Variants in SH3TC2 observed in about 807,000 individuals in gnomAD.
SH3TC2 encodes SH3 domain and tetratricopeptide repeats 2.
Under a neutral mutation model 124.5 loss-of-function variants are expected in SH3TC2, and 87 were observed. The observed-to-expected ratio is 0.70, with a 90% CI of 0.59 to 0.84. The LOEUF (loss-of-function observed/expected upper bound fraction) is 0.84, where lower values mean the gene tolerates loss of function less well. SH3TC2 is among the 40% of genes least tolerant of loss of function. SH3TC2 has a pLI of 0.00. For missense variants in SH3TC2, 1,536 were observed against 1,566.4 expected (o/e 0.98, Z 0.33); for synonymous variants, 634 against 628.5 (o/e 1.01, Z -0.13).
At position 149,056,677 on chromosome 5, in the gene SH3TC2, GC is replaced by G. The variant is rs1754654127; in HGVS notation, c.53-4438del. Among the ~76,000 whole-genome samples the G allele has an allele frequency of 2.6e-5, 4 of 152,246 alleles. No individual in the cohort carries two copies. In the South Asian group the frequency reaches 8.3e-4, roughly 32 times the overall value. On this transcript the variant is annotated intron_variant, in intron 1 of 16. Coordinates refer to ENST00000515425, the MANE Select transcript of SH3TC2 (RefSeq NM_024577.4). ...TCACCAGAGGCCTCGGATCCCATGA[GC>G]CAGAAGGGCACCTCTCTGAGAAACA...
chr5:149,048,101 T>A (rs1217417853), intron 2 of SH3TC2, 112 bp from the exon 3 acceptor site: 1 of 1,421,908 alleles, frequency 7.0e-7, no homozygotes, highest in Non-Finnish European at 9.9e-7. Flanking sequence ...TCAACTGGTG[T>A]CCTCATTAGT....
chr5:149,042,741 TCTACAGACA>T lies in SH3TC2; in HGVS notation c.473_481del (p.Val158_Val160del), dbSNP rs1554122850. ...GTATATTGTTTCCAGGTGTTTATCA[TCTACAGACA>T]CTTGGATCTCTGTATCCTCCACCAA... On this transcript the variant is annotated inframe_deletion, in exon 5 of 17. Coordinates refer to ENST00000515425, the MANE Select transcript of SH3TC2 (RefSeq NM_024577.4). 6.2e-7 allele frequency: 1 copy of T among 1,614,210 alleles called. No homozygotes were observed. Among genetic ancestry groups the T allele is most frequent in the African/African-American group, 1.3e-5 (1 of 75,062 alleles).
intron 3 of SH3TC2, chr5:149,045,109 C>T (rs1754436026): frequency 6.3e-6 from 1 of 158,176 alleles, no homozygotes; most frequent in South Asian, 1.8e-4. Flanking sequence ...AAAACCAAAA[C>T]ACACAAAAAT....
chr5:149,004,925 A>T, intron 16 of SH3TC2, 23 bp from the exon 17 acceptor site: 4 of 1,613,892 alleles, frequency 2.5e-6, no homozygotes, highest in Non-Finnish European at 3.4e-6. Flanking sequence ...TATGGGGGCA[A>T]AGAAGAGACA....
chr5:148,998,032 C>A lies in SH3TC2; in HGVS notation c.*6679G>T, dbSNP rs1331620822. Among the ~76,000 whole-genome samples, 3 of 152,164 alleles carry A rather than the reference C, an allele frequency of 2.0e-5. No individual in the cohort carries two copies. Among genetic ancestry groups the A allele is most frequent in the Non-Finnish European group, 4.4e-5 (3 of 68,034 alleles). ...CCTGCACTTTTTTAGAGACCACCCT[C>A]CAGGTCAGCACTTTTCAAACTACAG... is the stretch of plus-strand genomic sequence containing the variant. On this transcript the variant is annotated 3_prime_UTR_variant, in exon 17 of 17. Coordinates refer to ENST00000515425, the MANE Select transcript of SH3TC2 (RefSeq NM_024577.4).
At chr5:149,056,717 A>G (rs1754654863) in intron 1 of SH3TC2, among the ~76,000 whole-genome samples, 1 of 152,218 alleles carries the variant, frequency 6.6e-6, no homozygotes, top group Non-Finnish European at 1.5e-5. Flanking sequence ...AGGAAGCTGG[A>G]AAATTAGAAT....
rs1163101801 is a variant in SH3TC2, at chr5:149,004,895, T to C, written c.3683A>G (p.His1228Arg). 3.1e-6 allele frequency: 5 copies of C among 1,614,052 alleles called. No homozygotes were observed. In the African/African-American group the frequency reaches 5.3e-5, roughly 17 times the overall value. Reference sequence around the variant, plus strand: ...CAGAAGGAAGTACTCAGTGGCATCATGGGCATCCTAACCCCGTGGTATGGG... The same window carrying C: ...CAGAAGGAAGTACTCAGTGGCATCACGGGCATCCTAACCCCGTGGTATGGG... ...RLTFCQLKDA[H>R]DATEYFLLAL... Residue 1228 changes from histidine to arginine, a missense_variant, in exon 17 of 17, where the codon CAT (histidine) becomes CGT (arginine). By Grantham distance (29) the His-to-Arg change is conservative. Around this residue, in one of 3 missense-constraint regions of SH3TC2, gnomAD observed 426 missense variants for 443.5 expected, o/e 0.96. Transcript: ENST00000515425.
In SH3TC2 at chr5:149,001,005, C is replaced by T. The variant is rs1278531272; in HGVS notation, c.*3706G>A. ...AGGTTAAGTGACTTGCCCAAGGTCG[C>T]ACTGCAATTTAATATCAAAATCAAG... is the stretch of plus-strand genomic sequence containing the variant. On this transcript the variant is annotated 3_prime_UTR_variant, in exon 17 of 17. Coordinates refer to ENST00000515425, the MANE Select transcript of SH3TC2 (RefSeq NM_024577.4). Among the ~76,000 whole-genome samples, 1 of 152,066 alleles carries T rather than the reference C, an allele frequency of 6.6e-6. No homozygotes were observed. The highest frequency in any genetic ancestry group is 1.9e-4 in the East Asian group (1 of 5,172).
chr5:149,015,424 C>G (rs902952389), intron 12 of SH3TC2, among the ~76,000 whole-genome samples: 4 of 152,188 alleles, frequency 2.6e-5, no homozygotes, highest in Admixed American at 2.6e-4. Flanking sequence ...ATTCCTCCAG[C>G]CGCCACCCAC....
rs764785338 is a variant in SH3TC2 at position 149,028,719 on chromosome 5, C to T, written c.1136-1G>A. On this transcript the variant is annotated splice_acceptor_variant, in intron 9 of 16. Transcript: ENST00000515425. LOFTEE classifies it high-confidence loss of function. Reference sequence around the variant, plus strand: ...GGATTCTGGATGGATTCAAACCCACCTAAGTAGAGATGAAGAACAGGTCTG... The same window carrying T: ...GGATTCTGGATGGATTCAAACCCACTTAAGTAGAGATGAAGAACAGGTCTG... 1.9e-6 allele frequency: 3 copies of T among 1,614,170 alleles called. No individual in the cohort carries two copies. Among genetic ancestry groups the T allele is most frequent in the East Asian group, 4.5e-5 (2 of 44,878 alleles).
intron 9 of SH3TC2, among the ~76,000 whole-genome samples, chr5:149,030,276 A>G (rs962149517): frequency 2.0e-5 from 3 of 152,184 alleles, no homozygotes; most frequent in Non-Finnish European, 4.4e-5. Flanking sequence ...GGAAGCTGCA[A>G]TTTACCAACA....
chr5:149,027,899 A>G lies in SH3TC2; in HGVS notation c.1833T>C (p.His611=), dbSNP rs1464211260. ...CLPDRESSAK[H]ELDVVAYVLR... Reference sequence around the variant, plus strand: ...GCACGTAGGCCACCACGTCGAGTTCATGCTTGGCACTAGACTCACGGTCAG... The same window carrying G: ...GCACGTAGGCCACCACGTCGAGTTCGTGCTTGGCACTAGACTCACGGTCAG... The change falls in exon 11 of 17, where the codon CAT becomes CAC. Residue 611 remains histidine (H), a synonymous_variant. Transcript: ENST00000515425. The G allele has an allele frequency of 6.2e-7, 1 of 1,614,010 alleles. No homozygotes were observed. Among genetic ancestry groups the G allele is most frequent in the Non-Finnish European group, 8.5e-7 (1 of 1,180,040 alleles).
rs1440869451 is a variant in SH3TC2 at position 149,038,301 on chromosome 5, G to A, written c.995C>T (p.Ser332Phe). ...GCTCACTGTCAATACTCACATTGGGGAATAAGAATCAGGATCTATGTTCCT... is the reference window on the plus strand; with the variant it reads ...GCTCACTGTCAATACTCACATTGGGAAATAAGAATCAGGATCTATGTTCCT... Reference protein sequence around the residue: ...PTRNIDPDSYSPMSRNSAFLS... With the variant: ...PTRNIDPDSYFPMSRNSAFLS... The change falls in exon 8 of 17, where the codon TCC becomes TTC. Residue 332 changes from serine to phenylalanine, a missense_variant. Ser to Phe is a radical substitution (Grantham distance 155). Coordinates refer to ENST00000515425, the MANE Select transcript of SH3TC2 (RefSeq NM_024577.4). The A allele has an allele frequency of 1.9e-6, 3 of 1,613,880 alleles. No individual in the cohort carries two copies. The Admixed American group carries it at 5.0e-5, about 27-fold the overall frequency.
At chr5:149,056,503 T>A (rs965891351) in intron 1 of SH3TC2, among the ~76,000 whole-genome samples, 1 of 152,188 alleles carries the variant, frequency 6.6e-6, no homozygotes, top group African/African-American at 2.4e-5. Flanking sequence ...TACATTTTTA[T>A]GAAAAGCTGA....
At chr5:149,047,430 G>C (rs1754482576) in intron 3 of SH3TC2, 2 of 227,992 alleles carry the variant, frequency 8.8e-6, no homozygotes, top group African/African-American at 2.3e-5. Flanking sequence ...AATGTACTTA[G>C]TGTCATAGAG....
chr5:149,010,338 A>G lies in SH3TC2; in HGVS notation c.3259T>C (p.Tyr1087His). ...SEEPLLALKL[Y>H]EEAGDVFFNG... ...AAGAACACATCACCTGCTTCTTCATAAAGTTTGAGAGCCAGCAAAGGCTCC... is the reference window on the plus strand; with the variant it reads ...AAGAACACATCACCTGCTTCTTCATGAAGTTTGAGAGCCAGCAAAGGCTCC... Residue 1087 changes from tyrosine (Y) to histidine (H), a missense_variant, in exon 14 of 17, where the codon TAT (tyrosine) becomes CAT (histidine). Transcript: ENST00000515425. 6.2e-7 allele frequency: 1 copy of G among 1,614,078 alleles called. No homozygotes were observed. The highest frequency in any genetic ancestry group is 8.5e-7 in the Non-Finnish European group (1 of 1,180,008).
intron 13 of SH3TC2, among the ~76,000 whole-genome samples, chr5:149,011,893 C>T (rs1008651616): frequency 1.3e-5 from 2 of 152,168 alleles, no homozygotes; most frequent in Non-Finnish European, 2.9e-5. Context: ...ATGTATTAAA[C>T]ATTTACTAAG....
Position 148,987,233 on chromosome 5 carries a change from C to T in SH3TC2, c.*17478G>A, listed in dbSNP as rs984566082. Among the ~76,000 whole-genome samples, 3 of 152,188 alleles carry T rather than the reference C, an allele frequency of 2.0e-5. No homozygotes were observed. Among genetic ancestry groups the T allele is most frequent in the African/African-American group, 7.2e-5 (3 of 41,460 alleles). ...GAAAAAGCACATTTTTGCCAATGGT[C>T]TTTGTTCTGAACAAAGATTGGTTCT... On this transcript the variant is annotated 3_prime_UTR_variant, in exon 17 of 17. Coordinates refer to ENST00000515425, the MANE Select transcript of SH3TC2 (RefSeq NM_024577.4).
intron 16 of SH3TC2, chr5:149,006,154 G>T (rs146051622): frequency 1.3e-5 from 2 of 153,352 alleles, no homozygotes; most frequent in East Asian, 3.9e-4. Flanking sequence ...AGCTTCTGAG[G>T]AGGCTGAAGT....
Sources: gnomAD v4.1 joint callset for allele counts (sites outside exome capture counted in the v4.1 genomes callset) on GRCh38, gnomAD v4.1.1 for gene constraint, gnomAD v4.1.1 regional missense constraint, MANE v1.5 for transcripts, NCBI Gene and HGNC (gene_info 2026-07-23, HGNC 2026-07-21) for gene names.